SMYD3: variants seen among roughly 807,000 people sequenced by gnomAD.
The protein encoded by SMYD3 is histone-lysine N-methyltransferase SMYD3.
In SMYD3, 36 loss-of-function variants were observed where a neutral mutation model predicts 57.7. That is an observed-to-expected ratio of 0.62 (90% confidence interval 0.48 to 0.82). The LOEUF is 0.82. Ranked by LOEUF, SMYD3 falls within the 40% of genes least tolerant of loss-of-function variation. The pLI is 0.00. For missense variants in SMYD3, 515 were observed against 538.8 expected (o/e 0.96, Z 0.44); for synonymous variants, 211 against 195.0 (o/e 1.08, Z -0.68).
chr1:246,166,302 A>T (rs1158300593), intron 5 of SMYD3, among the ~76,000 whole-genome samples: 1 of 152,128 alleles, frequency 6.6e-6, no homozygotes, highest in African/African-American at 2.4e-5. Flanking sequence ...TAAAGAAAAA[A>T]AGGTACATGT....
intron 5 of SMYD3, among the ~76,000 whole-genome samples, chr1:246,021,485 G>A (rs1288160357): frequency 2.0e-5 from 3 of 152,234 alleles, no homozygotes; most frequent in Non-Finnish European, 2.9e-5. Context: ...AAGGACTAAC[G>A]TCCACAGACT....
At chr1:245,877,711 C>T (rs766146423) in intron 8 of SMYD3, among the ~76,000 whole-genome samples, 3 of 152,126 alleles carry the variant, frequency 2.0e-5, no homozygotes, top group East Asian at 3.8e-4. Flanking sequence ...GAGTGCATGG[C>T]GAAGCCTTCC....
In SMYD3 at chr1:245,766,826, C is replaced by T. The variant is rs6697529; in HGVS notation, c.1077-2677G>A. 8.9e-3 allele frequency among the ~76,000 whole-genome samples: 1,350 copies of T among 152,286 alleles called. 22 individuals carry two copies. The highest frequency in any genetic ancestry group is 0.029 in the African/African-American group (1,203 of 41,538). ...TGGCAGAGAAAGCGGTGTGTCATTA[C>T]GCCATGACAGGTACCTGCCCCGGTA... On this transcript the variant is annotated intron_variant, in intron 10 of 11. Coordinates refer to ENST00000490107, the MANE Select transcript of SMYD3 (RefSeq NM_001167740.2).
chr1:246,160,527 G>A (rs2062099433), intron 5 of SMYD3, among the ~76,000 whole-genome samples: 8 of 152,190 alleles, frequency 5.3e-5, no homozygotes, highest in Admixed American at 5.2e-4. Flanking sequence ...ATGTGCAAAG[G>A]TGGGCCCAGA....
At chr1:246,301,689 T>C (rs1345911222) in intron 5 of SMYD3, among the ~76,000 whole-genome samples, 1 of 152,278 alleles carries the variant, frequency 6.6e-6, no homozygotes, top group Non-Finnish European at 1.5e-5. Context: ...GAGCAAATTA[T>C]GCATATTGTA....
intron 5 of SMYD3, among the ~76,000 whole-genome samples, chr1:246,171,318 T>G (rs985198182): frequency 6.6e-6 from 1 of 152,226 alleles, no homozygotes; most frequent in East Asian, 1.9e-4. Context: ...AATCCCTCCT[T>G]TCTTTGAATT....
intron 1 of SMYD3, among the ~76,000 whole-genome samples, chr1:246,504,184 G>A (rs1021538807): frequency 1.2e-4 from 18 of 152,284 alleles, no homozygotes; most frequent in African/African-American, 3.9e-4. Context: ...CAGCTCTAGA[G>A]CAAAGGAAAT....
chr1:246,094,266 G>A (rs143019693), intron 5 of SMYD3, among the ~76,000 whole-genome samples: 17 of 152,308 alleles, frequency 1.1e-4, no homozygotes, highest in East Asian at 5.8e-4. Context: ...GGTACCTCAT[G>A]TGCCAGGTCC....
intron 10 of SMYD3, among the ~76,000 whole-genome samples, chr1:245,793,101 A>G (rs1287563564): frequency 1.0e-5 from 1 of 97,234 alleles, no homozygotes; most frequent in Non-Finnish European, 2.4e-5. Context: ...CGAAATCAGG[A>G]GATCAAGACC....
At chr1:246,059,646 C>T (rs574406640) in intron 5 of SMYD3, among the ~76,000 whole-genome samples, 6 of 152,256 alleles carry the variant, frequency 3.9e-5, no homozygotes, top group Non-Finnish European at 7.4e-5. Context: ...AAAACCATTC[C>T]TTTCCTTTTA....
intron 5 of SMYD3, among the ~76,000 whole-genome samples, chr1:246,062,778 C>T (rs999793096): frequency 3.3e-5 from 5 of 152,040 alleles, no homozygotes; most frequent in African/African-American, 4.8e-5. Flanking sequence ...TGTTCAATAA[C>T]GTTTCAGCAA....
At chr1:246,499,425 C>CACACAT (rs2068423053) in intron 1 of SMYD3, among the ~76,000 whole-genome samples, 1 of 129,764 alleles carries the variant, frequency 7.7e-6, no homozygotes, top group African/African-American at 2.8e-5. Context: ...CACACACACA[C>CACACAT]ATATATATAT....
chr1:246,180,608 A>C (rs1370566622), intron 5 of SMYD3, among the ~76,000 whole-genome samples: 1 of 150,894 alleles, frequency 6.6e-6, no homozygotes, highest in Non-Finnish European at 1.5e-5. Flanking sequence ...ATACAAAAAA[A>C]GTTAGCTGGG....
At chr1:246,154,553 C>T (rs2061992192) in intron 5 of SMYD3, among the ~76,000 whole-genome samples, 1 of 152,124 alleles carries the variant, frequency 6.6e-6, no homozygotes, top group Non-Finnish European at 1.5e-5. Context: ...CCTTTAAAAA[C>T]AGTAGAATAG....
At chr1:246,124,870 A>G (rs920156273) in intron 5 of SMYD3, among the ~76,000 whole-genome samples, 1 of 152,098 alleles carries the variant, frequency 6.6e-6, no homozygotes, top group Non-Finnish European at 1.5e-5. Flanking sequence ...TCATGAGGTC[A>G]GGAGATTGAG....
chr1:246,208,733 G>C (rs2063039897), intron 5 of SMYD3, among the ~76,000 whole-genome samples: 1 of 152,164 alleles, frequency 6.6e-6, no homozygotes, highest in African/African-American at 2.4e-5. Flanking sequence ...CCATTCAGGT[G>C]TTACAGGCAC....
At chr1:245,966,401 T>G (rs2058150413) in intron 5 of SMYD3, among the ~76,000 whole-genome samples, 1 of 152,280 alleles carries the variant, frequency 6.6e-6, no homozygotes, top group Admixed American at 6.5e-5. Context: ...ACTCCTGGCC[T>G]CAAGAACTCC....
At chr1:245,792,984 C>G (rs1387986056) in intron 10 of SMYD3, among the ~76,000 whole-genome samples, 2 of 152,156 alleles carry the variant, frequency 1.3e-5, no homozygotes, top group Non-Finnish European at 2.9e-5. Context: ...GAAGACTTGC[C>G]TCCTGCCCCT....
intron 1 of SMYD3, among the ~76,000 whole-genome samples, chr1:246,359,814 G>A (rs2065961216): frequency 6.6e-6 from 1 of 151,950 alleles, no homozygotes; most frequent in Non-Finnish European, 1.5e-5. Flanking sequence ...TACACCTTAA[G>A]GTAATGAAAG....
Sources: allele counts gnomAD v4.1 joint callset (sites outside exome capture counted in the v4.1 genomes callset), GRCh38; gene constraint gnomAD v4.1.1; transcripts MANE v1.5; gene names NCBI Gene and HGNC (gene_info 2026-07-23, HGNC 2026-07-21).